Variants in GSK3B observed in about 807,000 individuals in gnomAD.
GSK3B encodes the protein glycogen synthase kinase-3 beta.
In GSK3B, 15 loss-of-function variants were observed where a neutral mutation model predicts 56.4. That is an observed-to-expected ratio of 0.27 (90% CI 0.18 to 0.41). GSK3B has a LOEUF of 0.41. GSK3B is among the 10% of genes least tolerant of loss of function. The probability of loss-of-function intolerance (pLI) is 1.00; values close to 1 mark genes in which losing one functional copy is unlikely to be tolerated. For missense variants in GSK3B, 300 were observed against 513.4 expected (o/e 0.58, Z 4.02); for synonymous variants, 181 against 188.9 (o/e 0.96, Z 0.34).
chr3:120,077,409 A>G (rs1020458259), intron 1 of GSK3B, among the ~76,000 whole-genome samples: 16 of 152,196 alleles, frequency 1.1e-4, no homozygotes, highest in African/African-American at 3.9e-4. Context: ...TCATGATCTC[A>G]ATTATATGTG....
chr3:119,962,390 A>C (rs1458853363), intron 2 of GSK3B, among the ~76,000 whole-genome samples: 3 of 137,754 alleles, frequency 2.2e-5, no homozygotes, highest in Non-Finnish European at 3.2e-5. Flanking sequence ...AAAAAAAAAA[A>C]CAAAAACAAA....
chr3:120,078,950 T>TACACAC (rs2107573988), intron 1 of GSK3B, among the ~76,000 whole-genome samples: 1 of 113,080 alleles, frequency 8.8e-6, no homozygotes, highest in South Asian at 3.1e-4. Flanking sequence ...CACACACTTT[T>TACACAC]TTTTCTTTTT....
chr3:120,046,326 T>C (rs1163182843), intron 1 of GSK3B, among the ~76,000 whole-genome samples: 1 of 152,186 alleles, frequency 6.6e-6, no homozygotes, highest in Non-Finnish European at 1.5e-5. Context: ...TTGTAACAAA[T>C]GTACCACAGC....
intron 2 of GSK3B, among the ~76,000 whole-genome samples, chr3:119,995,017 T>C (rs755512402): frequency 2.6e-5 from 4 of 151,966 alleles, no homozygotes; most frequent in African/African-American, 9.7e-5. Flanking sequence ...TACTTAAAAG[T>C]TGCACTCAAA....
At chr3:119,925,987 T>C (rs563455885) in intron 3 of GSK3B, among the ~76,000 whole-genome samples, 1 of 152,280 alleles carries the variant, frequency 6.6e-6, no homozygotes, top group Admixed American at 6.5e-5. Flanking sequence ...CTTCACTTCA[T>C]AGGACACTAT....
chr3:119,886,813 C>T (rs376758437), intron 7 of GSK3B, among the ~76,000 whole-genome samples: 3 of 152,128 alleles, frequency 2.0e-5, no homozygotes, highest in South Asian at 2.1e-4. Flanking sequence ...GGGAGCTAAA[C>T]ACTGGGTAAT....
chr3:119,897,973 G>C (rs982776453), intron 7 of GSK3B, among the ~76,000 whole-genome samples: 1 of 152,062 alleles, frequency 6.6e-6, no homozygotes, highest in African/African-American at 2.4e-5. Flanking sequence ...GAACTGTACA[G>C]AAGCTCCTTG....
intron 2 of GSK3B, among the ~76,000 whole-genome samples, chr3:119,971,372 G>A (rs562658149): frequency 2.6e-5 from 4 of 152,150 alleles, no homozygotes; most frequent in African/African-American, 9.6e-5. Flanking sequence ...AACTCCTACA[G>A]GTACAGTTTC....
intron 4 of GSK3B, among the ~76,000 whole-genome samples, chr3:119,920,223 C>G (rs1346720138): frequency 6.6e-6 from 1 of 152,072 alleles, no homozygotes; most frequent in African/African-American, 2.4e-5. Flanking sequence ...CTTAATGGAA[C>G]ATCATCACAC....
At chr3:119,881,536 G>T (rs2056379234) in intron 7 of GSK3B, among the ~76,000 whole-genome samples, 1 of 152,124 alleles carries the variant, frequency 6.6e-6, no homozygotes, top group Non-Finnish European at 1.5e-5. Context: ...TCTTGAATCA[G>T]TATTTGTTGT....
At chr3:120,041,998 C>T (rs550115388) in intron 1 of GSK3B, among the ~76,000 whole-genome samples, 8 of 152,186 alleles carry the variant, frequency 5.3e-5, no homozygotes, top group Non-Finnish European at 1.2e-4. Context: ...AGATTTTAGG[C>T]TGAACGAGGT....
At chr3:119,877,536 G>A (rs907161781) in intron 7 of GSK3B, among the ~76,000 whole-genome samples, 9 of 151,944 alleles carry the variant, frequency 5.9e-5, no homozygotes, top group African/African-American at 2.2e-4. Flanking sequence ...CTGCAGATGC[G>A]GAACCTGTAG....
At chr3:120,042,825 T>C (rs1204019323) in intron 1 of GSK3B, among the ~76,000 whole-genome samples, 2 of 152,174 alleles carry the variant, frequency 1.3e-5, no homozygotes, top group Non-Finnish European at 2.9e-5. Flanking sequence ...TAAAGAACCA[T>C]CTAACCAAAT....
intron 7 of GSK3B, 68 bp from the exon 8 acceptor site, chr3:119,876,576 G>T: frequency 2.3e-6 from 2 of 851,538 alleles, no homozygotes; most frequent in Non-Finnish European, 4.0e-6. Flanking sequence ...ATGTTTTCAG[G>T]CATTGGATTC....
intron 2 of GSK3B, among the ~76,000 whole-genome samples, chr3:119,981,885 C>G (rs1284745059): frequency 2.6e-5 from 4 of 152,234 alleles, no homozygotes; most frequent in Non-Finnish European, 4.4e-5. Flanking sequence ...AGACAGACTG[C>G]CTCCACAAGT....
chr3:119,873,772 A>C (rs1174581170), intron 8 of GSK3B, among the ~76,000 whole-genome samples: 1 of 152,192 alleles, frequency 6.6e-6, no homozygotes, highest in Non-Finnish European at 1.5e-5. Context: ...TTTTGTTTAC[A>C]ATCCCAGTAA....
At chr3:119,859,888 T>C (rs1349231442) in intron 9 of GSK3B, among the ~76,000 whole-genome samples, 1 of 152,210 alleles carries the variant, frequency 6.6e-6, no homozygotes, top group Non-Finnish European at 1.5e-5. Context: ...TCTTCTGGCC[T>C]AGCCAACATG....
chr3:120,094,197 C>T lies in GSK3B; in HGVS notation c.-763G>A, dbSNP rs1405880557. On this transcript the variant is annotated 5_prime_UTR_variant, in exon 1 of 11. Coordinates refer to ENST00000264235, the MANE Select transcript of GSK3B (RefSeq NM_001146156.2). ...CCCATTCGCCGGGGACATGGGAACC[C>T]GGCAACCGCTTCCGTCCCTCGGGGC... The T allele has an allele frequency of 8.8e-6, 2 of 227,714 alleles. No individual in the cohort carries two copies. The highest frequency in any genetic ancestry group is 1.8e-5 in the Non-Finnish European group (2 of 113,820). 14.1% of individuals were successfully genotyped at this position (227,714 alleles called of 1,614,324 possible). A position where few individuals can be genotyped will look rare whatever the true frequency, so the allele number is the denominator to read the frequency against.
At chr3:120,060,276 T>A (rs1054339265) in intron 1 of GSK3B, among the ~76,000 whole-genome samples, 1 of 152,074 alleles carries the variant, frequency 6.6e-6, no homozygotes, top group Admixed American at 6.6e-5. Context: ...CCGATTTTTT[T>A]AAAAAGGTGT....
Sources: gnomAD v4.1 joint callset for allele counts (sites outside exome capture counted in the v4.1 genomes callset) on GRCh38, gnomAD v4.1.1 for gene constraint, MANE v1.5 for transcripts, NCBI Gene and HGNC (gene_info 2026-07-23, HGNC 2026-07-21) for gene names.